Variants in KCTD2 observed in about 807,000 individuals in gnomAD.
KCTD2 encodes the protein potassium channel tetramerization domain containing 2.
KCTD2 carries 18 observed loss-of-function variants against 27.9 expected under a neutral mutation model. The observed-to-expected ratio is 0.64, with a 90% CI of 0.45 to 0.96. The LOEUF (loss-of-function observed/expected upper bound fraction) is 0.96, where lower values mean the gene tolerates loss of function less well. Ranked by LOEUF, KCTD2 falls within the 40% of genes least tolerant of loss-of-function variation. The probability of loss-of-function intolerance (pLI) is 0.00; values close to 1 mark genes in which losing one functional copy is unlikely to be tolerated. For missense variants in KCTD2, 280 were observed against 348.0 expected, an observed-to-expected ratio of 0.80 and a Z score of 1.56; for synonymous variants, 175 against 148.4, an observed-to-expected ratio of 1.18 and a Z score of -1.30.
chr17:75,035,229 T>TAGACCC (rs1009211843), intron 2 of KCTD2: 2 of 152,108 alleles, frequency 1.3e-5, no homozygotes, highest in African/African-American at 4.8e-5. Flanking sequence ...TCCCTTGTTT[T>TAGACCC]AGACCCAGAA....
In KCTD2 at chr17:75,064,598, G is replaced by A. The variant is rs528575774; in HGVS notation, c.*1551G>A. The A allele has an allele frequency of 1.3e-5, 2 of 152,228 alleles. No homozygotes were observed. Among genetic ancestry groups the A allele is most frequent in the Non-Finnish European group, 2.9e-5 (2 of 68,070 alleles). 9.4% of individuals were successfully genotyped at this position (152,228 alleles called of 1,614,324 possible). On this transcript the variant is annotated 3_prime_UTR_variant, in exon 6 of 6. Transcript: ENST00000322444. Reference sequence around the variant, plus strand: ...TTTCCCTAGGACCCTCAGTCTCCTTGTTTCTCTGTATCTGTAGCATAGCAT... The same window carrying A: ...TTTCCCTAGGACCCTCAGTCTCCTTATTTCTCTGTATCTGTAGCATAGCAT...
chr17:75,051,277 C>CTTTTT (rs35794705), intron 2 of KCTD2, among the ~76,000 whole-genome samples: 4 of 64,628 alleles, frequency 6.2e-5, no homozygotes, highest in Admixed American at 2.1e-4. Flanking sequence ...CGCGCCCGAC[C>CTTTTT]TTTTTTTTTT....
intron 3 of KCTD2, among the ~76,000 whole-genome samples, chr17:75,038,081 T>C (rs2073120953): frequency 6.6e-6 from 1 of 152,124 alleles, no homozygotes; most frequent in African/African-American, 2.4e-5. Context: ...TAATTTTCCA[T>C]GTTCAAATGC....
At chr17:75,034,657 A>C (rs547320680) in intron 2 of KCTD2, among the ~76,000 whole-genome samples, 1 of 152,280 alleles carries the variant, frequency 6.6e-6, no homozygotes, top group Admixed American at 6.5e-5. Context: ...ACCGGGCTAC[A>C]CAAGAGCTCC....
rs1456836380 is a variant in KCTD2 at position 75,064,089 on chromosome 17, A to T, written c.*1042A>T. On this transcript the variant is annotated 3_prime_UTR_variant, in exon 6 of 6. Coordinates refer to ENST00000322444, the MANE Select transcript of KCTD2 (RefSeq NM_015353.3). ...CCTTGGCGGACCTGCTCCCCTCTGT[A>T]CTGTCCCCAGTGGTATGTATGTATG... The T allele has an allele frequency of 6.6e-6, 1 of 152,650 alleles. No individual in the cohort carries two copies. Among genetic ancestry groups the T allele is most frequent in the African/African-American group, 2.4e-5 (1 of 41,430 alleles). The allele number at this position is 152,650 out of a possible 1,614,324, so 9.5% of individuals were successfully genotyped here.
At chr17:75,035,120 T>C (rs1188922864) in intron 2 of KCTD2, 2 of 152,128 alleles carry the variant, frequency 1.3e-5, no homozygotes, top group African/African-American at 4.8e-5. Context: ...GGAGACCGCG[T>C]GGCCTAATGG....
chr17:75,041,119 G>T (rs903581317), intron 3 of KCTD2: 1 of 152,006 alleles, frequency 6.6e-6, no homozygotes, highest in Admixed American at 6.6e-5. Context: ...AGCACTTTGG[G>T]AGGCCAAGGA....
intron 3 of KCTD2, among the ~76,000 whole-genome samples, chr17:75,055,017 C>G (rs1443640027): frequency 6.6e-6 from 1 of 151,988 alleles, no homozygotes; most frequent in African/African-American, 2.4e-5. Flanking sequence ...TATTGCAGCA[C>G]AGAATTTTCC....
intron 2 of KCTD2, among the ~76,000 whole-genome samples, chr17:75,034,405 A>C (rs2040093056): frequency 6.6e-6 from 1 of 152,048 alleles, no homozygotes; most frequent in African/African-American, 2.4e-5. Flanking sequence ...CACCAAAAGA[A>C]ACCTTGCGAG....
chr17:75,036,650 T>C (rs760291646), intron 3 of KCTD2, among the ~76,000 whole-genome samples: 8 of 152,214 alleles, frequency 5.3e-5, no homozygotes, highest in Non-Finnish European at 7.3e-5. Flanking sequence ...TCAGCGGTGC[T>C]CTCCTTGAAC....
At chr17:75,060,110 G>A (rs1489760871) in intron 4 of KCTD2, among the ~76,000 whole-genome samples, 3 of 152,134 alleles carry the variant, frequency 2.0e-5, no homozygotes, top group East Asian at 3.8e-4. Flanking sequence ...GCTTACGACT[G>A]AGCTATCAAA....
intron 3 of KCTD2, among the ~76,000 whole-genome samples, chr17:75,057,371 G>A (rs2073360413): frequency 6.6e-6 from 1 of 152,056 alleles, no homozygotes; most frequent in East Asian, 1.9e-4. Flanking sequence ...TTAAATACCT[G>A]GGACTTTGAC....
At chr17:75,032,587 C>G, upstream of KCTD2, 1 of 153,134 alleles carries the variant, frequency 6.5e-6, no homozygotes, top group Non-Finnish European at 1.5e-5. This position sits in a 1 kb window ranked among gnomAD's most constrained non-coding sequence, Gnocchi z 4.8. Flanking sequence ...TGTGGTTTTG[C>G]CTTCGAGGAG....
chr17:75,047,576 T>G lies in KCTD2; in HGVS notation c.326T>G (p.Leu109Arg). 6.2e-7 allele frequency: 1 copy of G among 1,609,496 alleles called. No individual in the cohort carries two copies. Among genetic ancestry groups the G allele is most frequent in the Non-Finnish European group, 8.5e-7 (1 of 1,178,270 alleles). Reference protein sequence around the residue: ...CRLCCQEDPELDSDKDETGAY... With the variant: ...CRLCCQEDPERDSDKDETGAY... ...CTCTGCTGCCAGGAGGACCCGGAGCTGGACTCAGACAAGGTGTGCCCCGCC... is the reference window on the plus strand; with the variant it reads ...CTCTGCTGCCAGGAGGACCCGGAGCGGGACTCAGACAAGGTGTGCCCCGCC... Residue 109 changes from leucine to arginine, a missense_variant, in exon 1 of 6, where the codon CTG becomes CGG. Leu to Arg is a moderately radical substitution (Grantham distance 102). Transcript: ENST00000322444.
upstream of KCTD2, chr17:75,046,817 G>T (rs2073224703): frequency 6.6e-6 from 1 of 152,456 alleles, no homozygotes; most frequent in African/African-American, 2.4e-5. Context: ...GCAAGCCGAG[G>T]GCCCAGCGTC....
intron 4 of KCTD2, chr17:75,060,565 A>T (rs771648255): frequency 3.1e-6 from 5 of 1,612,852 alleles, no homozygotes; most frequent in Non-Finnish European, 4.2e-6. Flanking sequence ...TCCTGGTTGA[A>T]GTTGGCAAAG....
upstream of KCTD2, among the ~76,000 whole-genome samples, chr17:75,043,026 A>C (rs1260005038): frequency 6.6e-6 from 1 of 152,146 alleles, no homozygotes; most frequent in Admixed American, 6.5e-5. Context: ...GTTCGAGACC[A>C]GCATGGCCAA....
intron 3 of KCTD2, among the ~76,000 whole-genome samples, chr17:75,055,345 A>G (rs570113281): frequency 6.6e-6 from 1 of 151,882 alleles, no homozygotes; most frequent in East Asian, 2.0e-4. Context: ...ATGAGGCACC[A>G]TGCCTGGCAT....
At chr17:75,033,979 G>A (rs1333172397) in intron 1 of KCTD2, 5 of 152,294 alleles carry the variant, frequency 3.3e-5, no homozygotes, top group African/African-American at 1.2e-4. Context: ...ACCTGGGGTA[G>A]AGGTGAAAGT....
Sources: allele counts gnomAD v4.1 joint callset (sites outside exome capture counted in the v4.1 genomes callset), GRCh38; gene constraint gnomAD v4.1.1; non-coding constraint Gnocchi (gnomAD v3.1); transcripts MANE v1.5; gene names NCBI Gene and HGNC (gene_info 2026-07-23, HGNC 2026-07-21).